ZNF71: variants seen among roughly 807,000 people sequenced by gnomAD.
The protein encoded by ZNF71 is endothelial zinc finger protein induced by tumor necrosis factor alpha.
In ZNF71, 3 loss-of-function variants were observed where a neutral mutation model predicts 6.7. That is an observed-to-expected ratio of 0.45 (90% confidence interval 0.20 to 1.16). The LOEUF is 1.16. ZNF71 is among the 50% of genes most tolerant of loss of function. The pLI is 0.25. For synonymous variants in ZNF71, 343 were observed against 311.1 expected (o/e 1.10, Z -1.08); for missense variants, 688 against 728.6 (o/e 0.94, Z 0.64).
chr19:56,596,926 G>T (rs1026616203), intron 1 of ZNF71, among the ~76,000 whole-genome samples: 10 of 152,186 alleles, frequency 6.6e-5, no homozygotes, highest in African/African-American at 2.4e-4. Flanking sequence ...AAGCTCAGAG[G>T]AAGAAGAATC....
At chr19:56,614,804 A>G (rs1209625843) in intron 3 of ZNF71, among the ~76,000 whole-genome samples, 1 of 152,208 alleles carries the variant, frequency 6.6e-6, no homozygotes, top group Non-Finnish European at 1.5e-5. Context: ...TACCCAGGAA[A>G]CCATCACCAT....
intron 2 of ZNF71, among the ~76,000 whole-genome samples, chr19:56,608,300 CT>C (rs753260416): frequency 1.3e-5 from 2 of 152,074 alleles, no homozygotes; most frequent in Admixed American, 1.3e-4. Flanking sequence ...CCCTCCGCCC[CT>C]GGCAGCTGCC....
In ZNF71 at chr19:56,613,909, TG is replaced by T; in HGVS notation, c.133del (p.Glu45ArgfsTer17). Reference protein sequence around the residue: ...AQKDLYRDVMLENYRNLVSLD... With the variant: ...AQKDLYRDVMXENYRNLVSLD... ...AAGGACCTGTACAGGGATGTCATGCTGGAGAACTACAGGAACCTGGTCTCAC... is the reference window on the plus strand; with the variant it reads ...AAGGACCTGTACAGGGATGTCATGCTGAGAACTACAGGAACCTGGTCTCAC... On this transcript the variant is annotated frameshift_variant, in exon 3 of 4. Transcript: ENST00000599599. LOFTEE classifies it low-confidence loss of function (END_TRUNC). This position sits in a 1 kb window ranked among gnomAD's most constrained non-coding sequence, Gnocchi z 4.6. The T allele has an allele frequency of 1.8e-6, 2 of 1,083,976 alleles. No individual in the cohort carries two copies. The highest frequency in any genetic ancestry group is 3.3e-5 in the South Asian group (1 of 30,724). The allele number at this position is 1,083,976 out of a possible 1,614,324, so 67.1% of individuals were successfully genotyped here.
At chr19:56,604,605 A>G (rs1208192724) in intron 2 of ZNF71, among the ~76,000 whole-genome samples, 1 of 152,198 alleles carries the variant, frequency 6.6e-6, no homozygotes, top group African/African-American at 2.4e-5. Flanking sequence ...AAAGAGAAAG[A>G]CAGTTGTCCA....
rs1244296742 is a variant in ZNF71 at position 56,622,082 on chromosome 19, C to T, written c.975C>T (p.Thr325=). Residue 325 remains threonine, a synonymous_variant, in exon 4 of 4, where the codon ACC becomes ACT. Transcript: ENST00000599599. ...MHLIVHQRTH[T]GEKPYVCPEC... ...TCATCGTGCACCAGCGCACGCACAC[C>T]GGGGAGAAGCCGTACGTGTGCCCCG... The T allele has an allele frequency of 3.7e-6, 6 of 1,611,622 alleles. No individual in the cohort carries two copies. The African/African-American group carries it at 6.7e-5, about 18-fold the overall frequency.
intron 3 of ZNF71, among the ~76,000 whole-genome samples, 198 bp from the exon 4 acceptor site, chr19:56,621,070 C>T (rs565620736): frequency 1.2e-4 from 18 of 152,256 alleles, no homozygotes; most frequent in Non-Finnish European, 1.0e-4. Context: ...GTTGACTCTG[C>T]TTCATAAACC....
At chr19:56,620,182 G>A (rs1057455529) in intron 3 of ZNF71, among the ~76,000 whole-genome samples, 36 of 152,222 alleles carry the variant, frequency 2.4e-4, no homozygotes, top group Admixed American at 1.5e-3. Flanking sequence ...GCTGGGGTGC[G>A]GGAGGGCTGG....
rs1050697179 is a variant in ZNF71, at chr19:56,605,753, G to A, written c.33+4162G>A. Among the ~76,000 whole-genome samples, 6 of 152,216 alleles carry A rather than the reference G, an allele frequency of 3.9e-5. No individual in the cohort carries two copies. The South Asian group carries it at 6.2e-4, about 16-fold the overall frequency. ...CATCTCTGGAAGTGGCTTCAGGATC[G>A]CTTGTGATCTGTCTGGAAGAGAAGC... is the stretch of plus-strand genomic sequence containing the variant. On this transcript the variant is annotated intron_variant, in intron 2 of 3. Coordinates refer to ENST00000599599, the MANE Select transcript of ZNF71 (RefSeq NM_001370215.1).
chr19:56,601,671 C>G, intron 2 of ZNF71, 80 bp downstream of exon 2: 1 of 911,550 alleles, frequency 1.1e-6, no homozygotes, highest in Non-Finnish European at 1.3e-6. Context: ...CGAACCCTCT[C>G]CAAGGCCCCC....
At chr19:56,595,847 G>T (rs868792456) in intron 1 of ZNF71, among the ~76,000 whole-genome samples, 1 of 121,808 alleles carries the variant, frequency 8.2e-6, no homozygotes, top group African/African-American at 3.1e-5. Flanking sequence ...GATTGTGTGT[G>T]TGTGTTTGTG....
chr19:56,599,643 T>G (rs1196165521), intron 1 of ZNF71, among the ~76,000 whole-genome samples: 1 of 152,108 alleles, frequency 6.6e-6, no homozygotes, highest in Non-Finnish European at 1.5e-5. Flanking sequence ...ATCTGTCACC[T>G]CAAGGATTTA....
chr19:56,613,788 G>C lies in ZNF71; in HGVS notation c.34-24G>C. On this transcript the variant is annotated intron_variant, in intron 2 of 3. Coordinates refer to ENST00000599599, the MANE Select transcript of ZNF71 (RefSeq NM_001370215.1). The surrounding 1 kb of genome is among the most constrained non-coding windows in gnomAD (Gnocchi z 4.6). ...CTCTGTAAGGAGGGCCCTGCGATGA[G>C]CGGATGTGGGTTTCCTCTTACAGGA... 1 of 1,085,548 alleles carries C rather than the reference G, an allele frequency of 9.2e-7. No homozygotes were observed. The highest frequency in any genetic ancestry group is 1.1e-6 in the Non-Finnish European group (1 of 876,032). The allele number at this position is 1,085,548 out of a possible 1,614,324, so 67.2% of individuals were successfully genotyped here.
At chr19:56,600,684 T>A (rs1223774686) in intron 1 of ZNF71, among the ~76,000 whole-genome samples, 1 of 152,208 alleles carries the variant, frequency 6.6e-6, no homozygotes, top group Non-Finnish European at 1.5e-5. Flanking sequence ...CTTAACATAA[T>A]GACCTCCAGT....
chr19:56,599,818 C>G lies in ZNF71; in HGVS notation c.-52-1689C>G, dbSNP rs1262686571. ...ATGCCATTCTCCTTCCTCAGCCTCC[C>G]GAGTAGCTGGGATTACAGGCACCTG... On this transcript the variant is annotated intron_variant, in intron 1 of 3. Coordinates refer to ENST00000599599, the MANE Select transcript of ZNF71 (RefSeq NM_001370215.1). 4.0e-5 allele frequency among the ~76,000 whole-genome samples: 6 copies of G among 151,236 alleles called. No individual in the cohort carries two copies. In the East Asian group the frequency reaches 7.8e-4, roughly 20 times the overall value.
chr19:56,595,314 G>A lies in ZNF71; in HGVS notation c.-167G>A, dbSNP rs2044609721. On this transcript the variant is annotated 5_prime_UTR_variant, in exon 1 of 4. Transcript: ENST00000599599. ...AGCGGGCGCGGTCATTGTCCTGGCA[G>A]AGCGGCGAGCCGGTGAGTGTGGCTG... 6.6e-6 allele frequency: 1 copy of A among 152,510 alleles called. No individual in the cohort carries two copies. The highest frequency in any genetic ancestry group is 6.5e-5 in the Admixed American group (1 of 15,292). The allele number at this position is 152,510 out of a possible 1,614,324, so 9.4% of individuals were successfully genotyped here. A position where few individuals can be genotyped will look rare whatever the true frequency, so the allele number is the denominator to read the frequency against.
At chr19:56,605,304 C>T (rs1476983) in intron 2 of ZNF71, among the ~76,000 whole-genome samples, 17,863 of 152,052 alleles carry the variant, frequency 0.12, 1,680 homozygotes, top group East Asian at 0.48. Context: ...TCTCATTACT[C>T]ACATGCCATG....
At position 56,613,379 on chromosome 19, in the gene ZNF71, A is replaced by C. The variant is rs1216649882; in HGVS notation, c.34-433A>C. 6.6e-6 allele frequency among the ~76,000 whole-genome samples: 1 copy of C among 152,190 alleles called. No individual in the cohort carries two copies. Among genetic ancestry groups the C allele is most frequent in the Admixed American group, 6.5e-5 (1 of 15,284 alleles). On this transcript the variant is annotated intron_variant, in intron 2 of 3. Transcript: ENST00000599599. The surrounding 1 kb of genome is among the most constrained non-coding windows in gnomAD (Gnocchi z 4.6). ...TCTTTGTCTGCCTCTGCCATGAGGA[A>C]CTAGTTCTTGAACATTTTGTGTCTG... is the stretch of plus-strand genomic sequence containing the variant.
chr19:56,612,201 A>G (rs1318577665), intron 2 of ZNF71, among the ~76,000 whole-genome samples: 1 of 152,224 alleles, frequency 6.6e-6, no homozygotes, highest in Non-Finnish European at 1.5e-5. Context: ...CTTGGTGTCA[A>G]CGCAAAGGAA....
Position 56,595,436 on chromosome 19 carries a change from G to T in ZNF71, c.-53+8G>T, listed in dbSNP as rs535922677. 2 of 154,360 alleles carry T rather than the reference G, an allele frequency of 1.3e-5. No individual in the cohort carries two copies. The highest frequency in any genetic ancestry group is 2.0e-4 in the South Asian group (1 of 5,020). 9.6% of individuals were successfully genotyped at this position (154,360 alleles called of 1,614,324 possible). On this transcript the variant is annotated splice_region_variant and intron_variant, in intron 1 of 3. Coordinates refer to ENST00000599599, the MANE Select transcript of ZNF71 (RefSeq NM_001370215.1). ...GACGGCGTGCAGGCCCAGGTACGGG[G>T]AGTGCAGGGCTGGGTGCTGGTCCAG...
Sources: allele counts gnomAD v4.1 joint callset (sites outside exome capture counted in the v4.1 genomes callset), GRCh38; gene constraint gnomAD v4.1.1; non-coding constraint Gnocchi (gnomAD v3.1); transcripts MANE v1.5; gene names NCBI Gene and HGNC (gene_info 2026-07-23, HGNC 2026-07-21).